The following EXOC5 variants were observed in gnomAD, a reference collection of about 807,000 sequenced individuals.
EXOC5 encodes exocyst complex component 5, also known as SEC10-like 1.
In EXOC5, 17 loss-of-function variants were observed where a neutral mutation model predicts 90.8. That is an observed-to-expected ratio of 0.19 (90% CI 0.13 to 0.28). EXOC5 has a LOEUF of 0.28. EXOC5 is among the 10% of genes least tolerant of loss of function. The pLI is 1.00. For synonymous variants in EXOC5, 260 were observed against 270.0 expected (o/e 0.96, Z 0.36); for missense variants, 569 against 830.6 (o/e 0.69, Z 3.87).
rs147111014 is a variant in EXOC5, at chr14:57,264,867, T to G, written c.27+3755A>C. ...TAACCTTATTTTTAAGAGTATAGTATCATATATCCACCTTCTCTCCCTCTA... is the reference window on the plus strand; with the variant it reads ...TAACCTTATTTTTAAGAGTATAGTAGCATATATCCACCTTCTCTCCCTCTA... On this transcript the variant is annotated intron_variant, in intron 1 of 17. Transcript: ENST00000621441. 8.5e-5 allele frequency among the ~76,000 whole-genome samples: 13 copies of G among 152,328 alleles called. No individual in the cohort carries two copies. The East Asian group carries it at 1.3e-3, about 16-fold the overall frequency.
At chr14:57,217,961 G>A in intron 15 of EXOC5, 21 bp downstream of exon 15, 1 of 1,289,070 alleles carries the variant, frequency 7.8e-7, no homozygotes, top group Non-Finnish European at 1.1e-6. Context: ...AAAAATGCAA[G>A]AGACAAAACC....
Position 57,205,996 on chromosome 14 carries a change from A to T in EXOC5, c.*2613T>A. On this transcript the variant is annotated 3_prime_UTR_variant, in exon 18 of 18. Coordinates refer to ENST00000621441, the MANE Select transcript of EXOC5 (RefSeq NM_006544.4). ...CTACTCTGGTTGACTGTCATTTTCAACATCATAATTTACATAAGGTAGGCT... is the reference window on the plus strand; with the variant it reads ...CTACTCTGGTTGACTGTCATTTTCATCATCATAATTTACATAAGGTAGGCT... The T allele has an allele frequency of 2.2e-6, 1 of 455,772 alleles. No individual in the cohort carries two copies. 28.2% of individuals were successfully genotyped at this position (455,772 alleles called of 1,614,324 possible).
intron 10 of EXOC5, chr14:57,231,958 T>A: frequency 2.8e-6 from 1 of 362,460 alleles, no homozygotes; most frequent in Non-Finnish European, 5.0e-6. Flanking sequence ...AAAGAACTTG[T>A]GAGGCAATTA....
At chr14:57,219,524 T>A (rs1455419128) in intron 13 of EXOC5, 82 bp from the exon 14 acceptor site, 14 of 1,093,286 alleles carry the variant, frequency 1.3e-5, no homozygotes, top group Middle Eastern at 2.0e-4. Context: ...TGTGGTTTTT[T>A]AATCTGTAAC....
Position 57,268,703 on chromosome 14 carries a change from T to A in EXOC5, c.-55A>T. 6.4e-7 allele frequency: 1 copy of A among 1,556,004 alleles called. No individual in the cohort carries two copies. ...TGGATGCCGTCTCCGCTTCACATGC[T>A]GCGCCTCAGAGGCGCGGCGCACAGG... On this transcript the variant is annotated 5_prime_UTR_variant, in exon 1 of 18. Coordinates refer to ENST00000621441, the MANE Select transcript of EXOC5 (RefSeq NM_006544.4).
At position 57,244,303 on chromosome 14, in the gene EXOC5, T is replaced by G; in HGVS notation, c.327A>C (p.Lys109Asn). The G allele has an allele frequency of 6.2e-7, 1 of 1,613,916 alleles. No homozygotes were observed. The highest frequency in any genetic ancestry group is 8.5e-7 in the Non-Finnish European group (1 of 1,179,824). Residue 109 changes from lysine to asparagine, a missense_variant, in exon 4 of 18, where the codon AAA becomes AAC. Physicochemically the swap from Lys to Asn is moderately conservative, Grantham distance 94 (BLOSUM62 0). Coordinates refer to ENST00000621441, the MANE Select transcript of EXOC5 (RefSeq NM_006544.4). ...LDEHISYVAT[K>N]VCHLGDQLEG... ...CTAACTGGTCTCCAAGGTGACAGAC[T>G]TTAGTTGCTACATAGCTAATGTGCT...
chr14:57,268,850 C>T lies in EXOC5; in HGVS notation c.-202G>A. On this transcript the variant is annotated 5_prime_UTR_variant, in exon 1 of 18. Transcript: ENST00000621441. ...GCCGCAAACGCTTGTCAGCTGCCTC[C>T]CGGCGCCGCCCGCGCTGCTCCCATT... 1 of 1,319,878 alleles carries T rather than the reference C, an allele frequency of 7.6e-7. No homozygotes were observed. The highest frequency in any genetic ancestry group is 9.9e-7 in the Non-Finnish European group (1 of 1,011,938). The allele number at this position is 1,319,878 out of a possible 1,614,324, so 81.8% of individuals were successfully genotyped here. A position where few individuals can be genotyped will look rare whatever the true frequency, so the allele number is the denominator to read the frequency against.
At chr14:57,239,720 T>C (rs1883798114) in intron 4 of EXOC5, 61 bp from the exon 5 acceptor site, 2 of 996,846 alleles carry the variant, frequency 2.0e-6, no homozygotes, top group Non-Finnish European at 3.0e-6. Context: ...AAAAAATAAT[T>C]ATATATCTGA....
intron 1 of EXOC5, among the ~76,000 whole-genome samples, chr14:57,264,628 C>T (rs1884615500): frequency 6.6e-6 from 1 of 152,154 alleles, no homozygotes; most frequent in South Asian, 2.1e-4. Context: ...ATGAATGCTC[C>T]CCTTATCTCC....
intron 1 of EXOC5, among the ~76,000 whole-genome samples, chr14:57,259,846 T>A (rs922945201): frequency 6.6e-6 from 1 of 152,204 alleles, no homozygotes; most frequent in Non-Finnish European, 1.5e-5. Flanking sequence ...ACATTTCTCT[T>A]GCTTTCCAGC....
At chr14:57,215,240 A>C (rs1189250400) in intron 15 of EXOC5, among the ~76,000 whole-genome samples, 2 of 152,130 alleles carry the variant, frequency 1.3e-5, no homozygotes, top group African/African-American at 4.8e-5. Context: ...TCAAAAAAAA[A>C]AAAGAAGAAG....
intron 1 of EXOC5, among the ~76,000 whole-genome samples, chr14:57,259,224 G>A (rs537952837): frequency 1.9e-4 from 29 of 151,972 alleles, no homozygotes; most frequent in African/African-American, 6.8e-4. Flanking sequence ...TCAGCCTCCT[G>A]AGTAGCTGGT....
chr14:57,267,264 T>C (rs908276831), intron 1 of EXOC5, among the ~76,000 whole-genome samples: 5 of 150,324 alleles, frequency 3.3e-5, no homozygotes, highest in Admixed American at 2.0e-4. Context: ...GAAAATACAA[T>C]ATCTCTGAAG....
At chr14:57,254,903 G>A (rs1460423227) in intron 1 of EXOC5, among the ~76,000 whole-genome samples, 4 of 152,120 alleles carry the variant, frequency 2.6e-5, no homozygotes, top group Non-Finnish European at 5.9e-5. Context: ...CCAGAACACT[G>A]AGAAATAAAT....
intron 1 of EXOC5, among the ~76,000 whole-genome samples, chr14:57,251,824 G>GA (rs1479308147): frequency 2.6e-5 from 4 of 151,446 alleles, no homozygotes; most frequent in African/African-American, 4.8e-5. Flanking sequence ...AACAGACTAA[G>GA]AAAAAAAGGG....
rs1451426439 is a variant in EXOC5 at position 57,245,546 on chromosome 14, C to T, written c.270+1165G>A. ...TATTATTATTACCAAGGGAAAACTG[C>T]ATTAAAAGTATTTAGAAACTGTCAC... On this transcript the variant is annotated intron_variant, in intron 3 of 17. Coordinates refer to ENST00000621441, the MANE Select transcript of EXOC5 (RefSeq NM_006544.4). Among the ~76,000 whole-genome samples, 26 of 152,242 alleles carry T rather than the reference C, an allele frequency of 1.7e-4. No individual in the cohort carries two copies. The East Asian group carries it at 4.6e-3, about 27-fold the overall frequency.
In EXOC5 at chr14:57,229,754, C is replaced by G; in HGVS notation, c.1276G>C (p.Ala426Pro). 1 of 1,524,830 alleles carries G rather than the reference C, an allele frequency of 6.6e-7. No individual in the cohort carries two copies. Among genetic ancestry groups the G allele is most frequent in the Non-Finnish European group, 8.9e-7 (1 of 1,129,334 alleles). The allele number at this position is 1,524,830 out of a possible 1,614,324, so 94.5% of individuals were successfully genotyped here. The stretch of plus-strand genomic sequence containing the variant: ...CTTACCCTATGACATCTTTCAAAGG[C>G]TTGTTTGGTTTCTTGTAAAAGATTA... ...VVNLLQETKQ[A>P]FERCHRLSDP... Residue 426 changes from alanine to proline, a missense_variant, in exon 12 of 18, where the codon GCC becomes CCC. Around this residue, in one of 9 missense-constraint regions of EXOC5, gnomAD observed 69 missense variants for 115.5 expected, o/e 0.60. Coordinates refer to ENST00000621441, the MANE Select transcript of EXOC5 (RefSeq NM_006544.4).
At chr14:57,260,918 T>C (rs1364289411) in intron 1 of EXOC5, among the ~76,000 whole-genome samples, 2 of 152,190 alleles carry the variant, frequency 1.3e-5, no homozygotes, top group African/African-American at 4.8e-5. Context: ...TATTGCCAAA[T>C]ACACACGTTA....
intron 15 of EXOC5, among the ~76,000 whole-genome samples, chr14:57,210,677 C>T (rs1882802373): frequency 6.6e-6 from 1 of 152,162 alleles, no homozygotes; most frequent in African/African-American, 2.4e-5. Flanking sequence ...CTGGCATTAC[C>T]ATCACTCCTG....
Sources: allele counts gnomAD v4.1 joint callset (sites outside exome capture counted in the v4.1 genomes callset), GRCh38; gene constraint gnomAD v4.1.1; regional missense constraint gnomAD v4.1.1; transcripts MANE v1.5; gene names NCBI Gene and HGNC (gene_info 2026-07-23, HGNC 2026-07-21).